Variants in MGMT observed in about 807,000 individuals in gnomAD.
The protein encoded by MGMT is methylated-DNA--protein-cysteine methyltransferase.
Under a neutral mutation model 15.9 loss-of-function variants are expected in MGMT, and 14 were observed. The observed-to-expected ratio is 0.88, with a 90% CI of 0.58 to 1.37. MGMT has a LOEUF of 1.37. Ranked by LOEUF, MGMT falls within the 40% of genes most tolerant of loss-of-function variation. The pLI, the probability that MGMT is intolerant of heterozygous loss-of-function variation, is 0.00. For synonymous variants in MGMT, 130 were observed against 118.2 expected, an observed-to-expected ratio of 1.10 and a Z score of -0.65; for missense variants, 282 against 268.1, an observed-to-expected ratio of 1.05 and a Z score of -0.36.
rs1370485645 is a variant in MGMT, at chr10:129,556,003, G to C, written c.125+19626G>C. On this transcript the variant is annotated intron_variant, in intron 2 of 4. Transcript: ENST00000651593. The surrounding 1 kb of genome is among the most constrained non-coding windows in gnomAD (Gnocchi z 4.3). ...GGGCACCCTCCAGGGAGCTGTCGAG[G>C]GGCTCTTCTGCCTCTTCAGAAACCA... Among the ~76,000 whole-genome samples the C allele has an allele frequency of 6.6e-6, 1 of 152,152 alleles. No homozygotes were observed. Among genetic ancestry groups the C allele is most frequent in the Non-Finnish European group, 1.5e-5 (1 of 68,044 alleles).
intron 2 of MGMT, among the ~76,000 whole-genome samples, chr10:129,643,527 G>A (rs1359109989): frequency 6.6e-6 from 1 of 152,180 alleles, no homozygotes; most frequent in Non-Finnish European, 1.5e-5. Context: ...GGGCTTGAGA[G>A]TCGAGCTCCA....
intron 1 of MGMT, among the ~76,000 whole-genome samples, chr10:129,521,095 C>G (rs1226162797): frequency 6.6e-6 from 1 of 152,178 alleles, no homozygotes; most frequent in Non-Finnish European, 1.5e-5. Flanking sequence ...CATGGCCCTC[C>G]TGGAAGCAGT....
intron 2 of MGMT, among the ~76,000 whole-genome samples, chr10:129,612,126 G>A (rs1204738149): frequency 6.6e-6 from 1 of 152,110 alleles, no homozygotes; most frequent in Non-Finnish European, 1.5e-5. Flanking sequence ...CCAGCTTATA[G>A]GTAGATTTAA....
At chr10:129,635,800 T>C (rs1847258787) in intron 2 of MGMT, among the ~76,000 whole-genome samples, 1 of 152,178 alleles carries the variant, frequency 6.6e-6, no homozygotes, top group Admixed American at 6.5e-5. Context: ...ACTCTCACAG[T>C]GTAAACTGAG....
At chr10:129,752,921 T>G (rs1589976432) in intron 3 of MGMT, among the ~76,000 whole-genome samples, 1 of 152,292 alleles carries the variant, frequency 6.6e-6, no homozygotes, top group South Asian at 2.1e-4. Context: ...TGTTCCAAGC[T>G]TCTTTAGAGT....
At chr10:129,697,888 A>C (rs1430996307) in intron 2 of MGMT, among the ~76,000 whole-genome samples, 2 of 152,076 alleles carry the variant, frequency 1.3e-5, no homozygotes, top group African/African-American at 4.8e-5. Context: ...CTCTGCCCCT[A>C]AATTCTTACA....
chr10:129,640,566 G>A (rs900865131), intron 2 of MGMT, among the ~76,000 whole-genome samples: 1 of 150,342 alleles, frequency 6.7e-6, no homozygotes, highest in East Asian at 1.9e-4. Context: ...AATAATGTCT[G>A]TTCTAGAAAA....
chr10:129,671,436 T>A (rs1232053816), intron 2 of MGMT, among the ~76,000 whole-genome samples: 1 of 152,128 alleles, frequency 6.6e-6, no homozygotes, highest in Non-Finnish European at 1.5e-5. Context: ...ACATCTTTTT[T>A]TTTTTGGTAA....
chr10:129,666,770 T>A (rs922843687), intron 2 of MGMT, among the ~76,000 whole-genome samples: 16 of 152,202 alleles, frequency 1.1e-4, no homozygotes, highest in Admixed American at 4.6e-4. Flanking sequence ...TAGACAACAA[T>A]GCTGAGAGTA....
intron 1 of MGMT, among the ~76,000 whole-genome samples, chr10:129,479,476 A>G (rs562742167): frequency 1.3e-5 from 2 of 152,176 alleles, no homozygotes; most frequent in Admixed American, 6.5e-5. Context: ...TTGCTGTGCC[A>G]AAGTATTCTG....
chr10:129,634,215 T>C (rs569832125), intron 2 of MGMT, among the ~76,000 whole-genome samples: 69 of 152,336 alleles, frequency 4.5e-4, no homozygotes, highest in African/African-American at 1.6e-3. Flanking sequence ...AATTCTGCTG[T>C]CATCCTCATC....
intron 2 of MGMT, among the ~76,000 whole-genome samples, chr10:129,598,328 G>C (rs1211425852): frequency 6.6e-6 from 1 of 152,186 alleles, no homozygotes; most frequent in Non-Finnish European, 1.5e-5. Context: ...CAAGTCTCTT[G>C]TTCTTTCTGG....
intron 2 of MGMT, among the ~76,000 whole-genome samples, chr10:129,591,321 GA>G (rs1846682643): frequency 6.6e-6 from 1 of 152,218 alleles, no homozygotes; most frequent in Non-Finnish European, 1.5e-5. Context: ...AGCGAGGAGT[GA>G]AATGAGCACG....
At chr10:129,576,871 A>G (rs1462377818) in intron 2 of MGMT, among the ~76,000 whole-genome samples, 1 of 152,212 alleles carries the variant, frequency 6.6e-6, no homozygotes, top group Non-Finnish European at 1.5e-5. Context: ...CAAAAATCAC[A>G]AGCATTCTTA....
chr10:129,698,114 G>T (rs954718210), intron 2 of MGMT, among the ~76,000 whole-genome samples: 1 of 152,184 alleles, frequency 6.6e-6, no homozygotes, highest in Non-Finnish European at 1.5e-5. Flanking sequence ...ACCCTCAGCC[G>T]GGCAGGGCAA....
At chr10:129,520,484 T>TGTACAGAGCCCCTAC (rs1845791433) in intron 1 of MGMT, among the ~76,000 whole-genome samples, 1 of 105,848 alleles carries the variant, frequency 9.4e-6, no homozygotes, top group Non-Finnish European at 1.8e-5. Flanking sequence ...AGAGCCCCTA[T>TGTACAGAGCCCCTAC]GGTGCAGGTG....
intron 3 of MGMT, among the ~76,000 whole-genome samples, chr10:129,750,463 T>G (rs1199433519): frequency 1.3e-5 from 2 of 149,236 alleles, no homozygotes; most frequent in South Asian, 4.4e-4. Context: ...CATCCATGTA[T>G]TCAACCAACT....
At chr10:129,660,944 T>C (rs1172315944) in intron 2 of MGMT, among the ~76,000 whole-genome samples, 6 of 152,224 alleles carry the variant, frequency 3.9e-5, no homozygotes, top group Admixed American at 3.9e-4. Context: ...TTTTAAAAAC[T>C]TCAACTCTGG....
At chr10:129,755,113 G>A (rs987108845) in intron 3 of MGMT, among the ~76,000 whole-genome samples, 10 of 152,224 alleles carry the variant, frequency 6.6e-5, no homozygotes, top group South Asian at 6.2e-4. Context: ...CAGCCCTCAC[G>A]TAGCTGCTCT....
Sources: gnomAD v4.1 joint callset for allele counts (sites outside exome capture counted in the v4.1 genomes callset) on GRCh38, gnomAD v4.1.1 for gene constraint, Gnocchi (gnomAD v3.1) non-coding constraint, MANE v1.5 for transcripts, NCBI Gene and HGNC (gene_info 2026-07-23, HGNC 2026-07-21) for gene names.